Variants in RAB3C observed in about 807,000 individuals in gnomAD.
RAB3C encodes ras-related protein Rab-3C.
A neutral mutation model predicts 26.4 loss-of-function variants in RAB3C; 17 were observed. That is an observed-to-expected ratio of 0.64 (90% CI 0.44 to 0.97). RAB3C has a LOEUF of 0.97. Ranked by LOEUF, RAB3C falls within the 50% of genes least tolerant of loss-of-function variation. RAB3C has a pLI of 0.00. For synonymous variants in RAB3C, 91 were observed against 95.9 expected, an observed-to-expected ratio of 0.95 and a Z score of 0.30; for missense variants, 242 against 281.9, an observed-to-expected ratio of 0.86 and a Z score of 1.01.
intron 1 of RAB3C, among the ~76,000 whole-genome samples, chr5:58,589,388 T>G (rs1415452781): frequency 6.6e-6 from 1 of 152,184 alleles, no homozygotes; most frequent in Non-Finnish European, 1.5e-5. Flanking sequence ...AATGCCTTCA[T>G]GAAGTTATAG....
chr5:58,640,148 A>G lies in RAB3C; in HGVS notation c.252+22278A>G, dbSNP rs979886700. ...TTTCCCAGCCTCTCTCCAACCAACA[A>G]AGACTAAAGAGAGAGAAAGGGGAGC... On this transcript the variant is annotated intron_variant, in intron 2 of 4. Coordinates refer to ENST00000282878, the MANE Select transcript of RAB3C (RefSeq NM_138453.4). Among the ~76,000 whole-genome samples the G allele has an allele frequency of 5.9e-5, 9 of 152,150 alleles. No homozygotes were observed. The East Asian group carries it at 1.5e-3, about 26-fold the overall frequency.
At chr5:58,585,932 A>G (rs987112425) in intron 1 of RAB3C, among the ~76,000 whole-genome samples, 1 of 152,096 alleles carries the variant, frequency 6.6e-6, no homozygotes, top group African/African-American at 2.4e-5. Context: ...GGTCATTTGT[A>G]TCTTCTCATT....
intron 2 of RAB3C, among the ~76,000 whole-genome samples, chr5:58,641,623 G>A (rs150408074): frequency 9.3e-4 from 142 of 152,312 alleles, no homozygotes; most frequent in Middle Eastern, 3.4e-3. Context: ...TGACTAGTGA[G>A]TTGGGAGAGA....
intron 3 of RAB3C, among the ~76,000 whole-genome samples, chr5:58,789,651 C>A (rs1366685208): frequency 1.3e-5 from 2 of 152,170 alleles, no homozygotes; most frequent in African/African-American, 4.8e-5. Context: ...GATCCATATA[C>A]CTGGGAAAGT....
In RAB3C at chr5:58,626,562, AT is replaced by A. The variant is rs575151237; in HGVS notation, c.252+8695del. Among the ~76,000 whole-genome samples the A allele has an allele frequency of 1.3e-3, 204 of 152,268 alleles. 3 individuals carry two copies. Among genetic ancestry groups the A allele is most frequent in the Admixed American group, 0.013 (192 of 15,284 alleles). Reference sequence around the variant, plus strand: ...TCTGAGTTCAAATTATGGCTGTAAGATTTGTGGATATTATGACCTTGGACAA... The same window carrying A: ...TCTGAGTTCAAATTATGGCTGTAAGATTGTGGATATTATGACCTTGGACAA... On this transcript the variant is annotated intron_variant, in intron 2 of 4. Transcript: ENST00000282878.
chr5:58,857,826 C>T lies in RAB3C; in HGVS notation c.*6475C>T, dbSNP rs944175010. The T allele has an allele frequency of 2.0e-5, 3 of 152,106 alleles. No homozygotes were observed. The highest frequency in any genetic ancestry group is 2.1e-4 in the South Asian group (1 of 4,830). 9.4% of individuals were successfully genotyped at this position (152,106 alleles called of 1,614,324 possible). A position where few individuals can be genotyped will look rare whatever the true frequency, so the allele number is the denominator to read the frequency against. On this transcript the variant is annotated 3_prime_UTR_variant, in exon 5 of 5. Transcript: ENST00000282878. ...TCCCTTGTTTAATGCTAATTGGTGG[C>T]CTGGAACTTCACTGAGATGCAAAAT...
At chr5:58,680,015 T>G (rs1433593416) in intron 2 of RAB3C, among the ~76,000 whole-genome samples, 1 of 152,202 alleles carries the variant, frequency 6.6e-6, no homozygotes, top group Non-Finnish European at 1.5e-5. Context: ...ATCTGTATAT[T>G]TTAAATGATT....
chr5:58,653,491 A>G lies in RAB3C; in HGVS notation c.252+35621A>G, dbSNP rs1486270872. Among the ~76,000 whole-genome samples the G allele has an allele frequency of 2.6e-5, 4 of 152,348 alleles. No individual in the cohort carries two copies. The East Asian group carries it at 7.7e-4, about 29-fold the overall frequency. On this transcript the variant is annotated intron_variant, in intron 2 of 4. Transcript: ENST00000282878. Reference sequence around the variant, plus strand: ...ATAAATCATTCTACTATAAAAACACATGCACACATATGTTTATTGCAGCAG... The same window carrying G: ...ATAAATCATTCTACTATAAAAACACGTGCACACATATGTTTATTGCAGCAG...
chr5:58,608,129 C>G (rs1428018580), intron 1 of RAB3C, among the ~76,000 whole-genome samples: 1 of 152,142 alleles, frequency 6.6e-6, no homozygotes, highest in Non-Finnish European at 1.5e-5. Context: ...TTAAAAGACA[C>G]AGACTGGCAA....
chr5:58,825,811 T>A (rs1190996545), intron 4 of RAB3C, among the ~76,000 whole-genome samples: 2 of 152,148 alleles, frequency 1.3e-5, no homozygotes, highest in African/African-American at 4.8e-5. Flanking sequence ...GGGTAGAGAT[T>A]TAATACAAAG....
chr5:58,733,564 G>C (rs890443587), intron 3 of RAB3C, among the ~76,000 whole-genome samples: 5 of 152,144 alleles, frequency 3.3e-5, no homozygotes, highest in Admixed American at 6.5e-5. Context: ...GAAAGTAAAG[G>C]CTACTTCTTT....
intron 3 of RAB3C, among the ~76,000 whole-genome samples, chr5:58,733,609 A>G (rs1424520452): frequency 2.0e-5 from 3 of 152,216 alleles, no homozygotes. Context: ...TGGATCCCCC[A>G]GCAGGGTTTG....
At chr5:58,845,638 A>G (rs527812) in intron 4 of RAB3C, among the ~76,000 whole-genome samples, 36,601 of 100,492 alleles carry the variant, frequency 0.36, 7,657 homozygotes, top group Middle Eastern at 0.55. Context: ...GTGTATATGT[A>G]TATATACATA....
At chr5:58,654,666 T>C (rs1294260395) in intron 2 of RAB3C, among the ~76,000 whole-genome samples, 4 of 131,514 alleles carry the variant, frequency 3.0e-5, no homozygotes, top group Non-Finnish European at 6.3e-5. Context: ...TTTCATATCA[T>C]GCTCTCACTC....
At chr5:58,833,917 C>A (rs1156972549) in intron 4 of RAB3C, among the ~76,000 whole-genome samples, 1 of 152,132 alleles carries the variant, frequency 6.6e-6, no homozygotes, top group Non-Finnish European at 1.5e-5. Context: ...AAGAAAAAGA[C>A]AACATTGCAT....
At chr5:58,686,922 G>A (rs1174775769) in intron 2 of RAB3C, among the ~76,000 whole-genome samples, 2 of 151,906 alleles carry the variant, frequency 1.3e-5, no homozygotes, top group South Asian at 2.1e-4. Flanking sequence ...CTCCAGCAAC[G>A]TTACCAACTT....
intron 4 of RAB3C, among the ~76,000 whole-genome samples, chr5:58,837,554 TCTC>T (rs1743776178): frequency 8.4e-6 from 1 of 118,808 alleles, no homozygotes; most frequent in Admixed American, 8.6e-5. Flanking sequence ...TGTTTCAGTC[TCTC>T]TTTTTTTTTT....
At chr5:58,781,786 T>C (rs557722013) in intron 3 of RAB3C, among the ~76,000 whole-genome samples, 15 of 152,088 alleles carry the variant, frequency 9.9e-5, no homozygotes, top group Non-Finnish European at 1.5e-4. Context: ...GGCTTCACTC[T>C]AGTTCTCCAT....
chr5:58,720,861 T>A (rs1740733263), intron 2 of RAB3C, among the ~76,000 whole-genome samples: 1 of 151,840 alleles, frequency 6.6e-6, no homozygotes, highest in Admixed American at 6.6e-5. Flanking sequence ...ATTTTCCCTT[T>A]AATTGAATAC....
Sources: allele counts gnomAD v4.1 joint callset (sites outside exome capture counted in the v4.1 genomes callset), GRCh38; gene constraint gnomAD v4.1.1; transcripts MANE v1.5; gene names NCBI Gene and HGNC (gene_info 2026-07-23, HGNC 2026-07-21).